The following RPS6KA3 variants were observed in gnomAD, a reference collection of about 807,000 sequenced individuals.
RPS6KA3 encodes the protein ribosomal protein S6 kinase A3, also known as ribosomal protein S6 kinase alpha-3.
Under a neutral mutation model 67.2 loss-of-function variants are expected in RPS6KA3, and 4 were observed. The ratio of observed to expected loss-of-function variants is 0.06; its 90% confidence interval spans 0.03 to 0.14. The LOEUF (loss-of-function observed/expected upper bound fraction) is 0.14. RPS6KA3 is among the 10% of genes least tolerant of loss of function. The pLI is 1.00. For missense variants in RPS6KA3, 204 were observed against 559.0 expected, an observed-to-expected ratio of 0.36 and a Z score of 6.40; for synonymous variants, 182 against 183.7, an observed-to-expected ratio of 0.99 and a Z score of 0.07.
At chrX:20,228,456 G>A (rs2069176948) in intron 2 of RPS6KA3, among the ~76,000 whole-genome samples, 2 of 111,489 alleles carry the variant, frequency 1.8e-5, no homozygotes, top group Non-Finnish European at 3.8e-5. Context: ...TCACCATTCA[G>A]TAATAGGTTT....
At chrX:20,170,179 C>T (rs2067537352) in intron 15 of RPS6KA3, among the ~76,000 whole-genome samples, 1 of 111,867 alleles carries the variant, frequency 8.9e-6, no homozygotes, top group African/African-American at 3.2e-5. Flanking sequence ...AAATATTTTT[C>T]TTAATGTTTT....
intron 3 of RPS6KA3, among the ~76,000 whole-genome samples, chrX:20,208,428 A>G (rs1349940022): frequency 8.9e-6 from 1 of 111,752 alleles, no homozygotes; most frequent in Non-Finnish European, 1.9e-5. Context: ...AAGATGTTGC[A>G]TCTTCGGCCG....
upstream of RPS6KA3, chrX:20,267,062 CCG>C (rs1372787442): frequency 2.7e-6 from 2 of 753,386 alleles, no homozygotes; most frequent in African/African-American, 4.6e-5. Flanking sequence ...CGAGGCTCGG[CCG>C]CCGCCACCAC....
At chrX:20,249,264 G>A (rs748767608) in intron 1 of RPS6KA3, among the ~76,000 whole-genome samples, 3 of 112,084 alleles carry the variant, frequency 2.7e-5, no homozygotes, top group Non-Finnish European at 3.8e-5. Context: ...AAATAAAGCT[G>A]CTAGGAACAT....
intron 2 of RPS6KA3, among the ~76,000 whole-genome samples, chrX:20,224,817 C>T (rs907969278): frequency 9.0e-6 from 1 of 111,223 alleles, no homozygotes; most frequent in Non-Finnish European, 1.9e-5. Context: ...CAGAATCTCC[C>T]GTCGGCATGA....
chrX:20,219,936 A>G (rs1428552242), intron 2 of RPS6KA3, among the ~76,000 whole-genome samples: 1 of 111,878 alleles, frequency 8.9e-6, no homozygotes, highest in African/African-American at 3.2e-5. Context: ...GAATTTAATA[A>G]AAGCACGGAA....
chrX:20,251,432 C>CA (rs1364748371), intron 1 of RPS6KA3, among the ~76,000 whole-genome samples: 1 of 112,729 alleles, frequency 8.9e-6, no homozygotes, highest in Non-Finnish European at 1.9e-5. Context: ...GTAAGCCCCT[C>CA]AAAGTGCTGG....
intron 10 of RPS6KA3, among the ~76,000 whole-genome samples, chrX:20,177,858 G>A: frequency 8.9e-6 from 1 of 112,295 alleles, no homozygotes; most frequent in Non-Finnish European, 1.9e-5. Flanking sequence ...GGGGAACTGT[G>A]GGAAAGAGGA....
chrX:20,202,252 G>C (rs975114103), intron 4 of RPS6KA3, among the ~76,000 whole-genome samples: 11 of 110,057 alleles, frequency 1.0e-4, no homozygotes, highest in Non-Finnish European at 2.1e-4. Flanking sequence ...CAAAGTGCTG[G>C]GATTACAGGT....
intron 2 of RPS6KA3, among the ~76,000 whole-genome samples, chrX:20,216,219 C>A (rs916119632): frequency 3.6e-5 from 4 of 111,700 alleles, no homozygotes; most frequent in African/African-American, 1.3e-4. Context: ...AAAAGTCTGA[C>A]TGTGGGCAAA....
intron 4 of RPS6KA3, 73 bp downstream of exon 4, chrX:20,203,949 G>A: frequency 4.1e-6 from 3 of 736,502 alleles, no homozygotes; most frequent in Non-Finnish European, 6.5e-6. Context: ...ATGCCAAGGA[G>A]TCCCATGAGC....
At chrX:20,258,668 T>C (rs138910205) in intron 1 of RPS6KA3, among the ~76,000 whole-genome samples, 1 of 112,242 alleles carries the variant, frequency 8.9e-6, no homozygotes, top group African/African-American at 3.2e-5. Flanking sequence ...TCAATTTATA[T>C]GGTGGACAAA....
At chrX:20,174,468 C>A (rs2067650400) in intron 14 of RPS6KA3, among the ~76,000 whole-genome samples, 1 of 107,564 alleles carries the variant, frequency 9.3e-6, no homozygotes, top group African/African-American at 3.4e-5. Flanking sequence ...CTTGCCTCGG[C>A]CTCCTAAGTA....
chrX:20,169,675 G>A (rs780115455), intron 15 of RPS6KA3, 184 bp from the exon 16 acceptor site: 2 of 496,063 alleles, frequency 4.0e-6, no homozygotes, highest in South Asian at 2.6e-5. Flanking sequence ...GATATAGATG[G>A]CAAGGCTGTA....
In RPS6KA3 at chrX:20,195,047, G is replaced by C; in HGVS notation, c.406+18C>G. 1 of 1,068,477 alleles carries C rather than the reference G, an allele frequency of 9.4e-7. No individual in the cohort carries two copies. Among genetic ancestry groups the C allele is most frequent in the Non-Finnish European group, 1.3e-6 (1 of 765,323 alleles). 88.1% of individuals were successfully genotyped at this position (1,068,477 alleles called of 1,213,427 possible). On this transcript the variant is annotated intron_variant, in intron 5 of 21. Transcript: ENST00000379565. The stretch of plus-strand genomic sequence containing the variant: ...GGGATGAGGTCAAGGGATGATGTGG[G>C]AGACGGCTCATACTTACCATAATGC...
rs753745193 is a variant in RPS6KA3 at position 20,186,556 on chromosome X, T to C, written c.775-190A>G. Among the ~76,000 whole-genome samples the C allele has an allele frequency of 9.3e-4, 103 of 110,622 alleles. 1 individual carries two copies. The highest frequency in any genetic ancestry group is 3.1e-3 in the African/African-American group (95 of 30,256). On this transcript the variant is annotated intron_variant, in intron 9 of 21. Coordinates refer to ENST00000379565, the MANE Select transcript of RPS6KA3 (RefSeq NM_004586.3). ...GATAATTCCTAAAACAACTGAGCTA[T>C]ACAGTTTTTTTTTTTTTGTAGAAAT...
chrX:20,171,940 T>C (rs1268691458), intron 15 of RPS6KA3, among the ~76,000 whole-genome samples: 1 of 112,428 alleles, frequency 8.9e-6, no homozygotes, highest in Admixed American at 9.5e-5. Flanking sequence ...GCAAATTAAA[T>C]GTATTTTTAT....
At chrX:20,182,643 T>C (rs2067872662) in intron 10 of RPS6KA3, among the ~76,000 whole-genome samples, 1 of 112,214 alleles carries the variant, frequency 8.9e-6, no homozygotes. Flanking sequence ...ACAAATAATG[T>C]TGCTATGAAC....
At chrX:20,258,862 C>T (rs1375150464) in intron 1 of RPS6KA3, among the ~76,000 whole-genome samples, 1 of 111,846 alleles carries the variant, frequency 8.9e-6, no homozygotes, top group East Asian at 2.8e-4. Flanking sequence ...CAGAAAAGGA[C>T]TCACAATGTG....
Sources: gnomAD v4.1 joint callset for allele counts (sites outside exome capture counted in the v4.1 genomes callset) on GRCh38, gnomAD v4.1.1 for gene constraint, MANE v1.5 for transcripts, NCBI Gene and HGNC (gene_info 2026-07-23, HGNC 2026-07-21) for gene names.